Variants in MTBP observed in about 807,000 individuals in gnomAD.
MTBP encodes the protein MDM2 binding protein, also known as mdm2-binding protein.
In MTBP, 101 loss-of-function variants were observed where a neutral mutation model predicts 117.0. The observed-to-expected ratio is 0.86, with a 90% CI of 0.73 to 1.02. The LOEUF (loss-of-function observed/expected upper bound fraction) is 1.02. Ranked by LOEUF, MTBP falls within the 50% of genes least tolerant of loss-of-function variation. The pLI, the probability that MTBP is intolerant of heterozygous loss-of-function variation, is 0.00. For synonymous variants in MTBP, 350 were observed against 351.5 expected (o/e 1.00, Z 0.05); for missense variants, 970 against 1,030.9 (o/e 0.94, Z 0.81).
At chr8:120,496,310 A>C (rs563029487) in intron 13 of MTBP, among the ~76,000 whole-genome samples, 2 of 152,326 alleles carry the variant, frequency 1.3e-5, no homozygotes, top group East Asian at 3.9e-4. Flanking sequence ...AAATCTTTGC[A>C]CAGGGAAATA....
intron 11 of MTBP, among the ~76,000 whole-genome samples, chr8:120,482,326 ACTT>A (rs1397704092): frequency 2.6e-5 from 4 of 152,220 alleles, no homozygotes; most frequent in Non-Finnish European, 1.5e-5. Context: ...GAGTACTACT[ACTT>A]CCTTATTGTA....
At position 120,506,562 on chromosome 8, in the gene MTBP, T is replaced by A. The variant is rs1467030396; in HGVS notation, c.1728-144T>A. 5.6e-6 allele frequency: 3 copies of A among 534,472 alleles called. No individual in the cohort carries two copies. The African/African-American group carries it at 5.8e-5, about 10-fold the overall frequency. The allele number at this position is 534,472 out of a possible 1,614,324, so 33.1% of individuals were successfully genotyped here. On this transcript the variant is annotated intron_variant, in intron 15 of 21. Coordinates refer to ENST00000305949, the MANE Select transcript of MTBP (RefSeq NM_022045.5). ...TTTACTTTATTGTCTGTCCTAAATG[T>A]TTAATTCTCCCATGTTGCTGGTGTG...
chr8:120,469,068 T>G (rs772095173), intron 10 of MTBP, among the ~76,000 whole-genome samples: 52 of 152,224 alleles, frequency 3.4e-4, no homozygotes, highest in Non-Finnish European at 7.1e-4. Context: ...GTTTTTGAGA[T>G]AGAGTCTCAC....
intron 17 of MTBP, among the ~76,000 whole-genome samples, chr8:120,512,283 C>T (rs1044693030): frequency 6.6e-6 from 1 of 152,026 alleles, no homozygotes; most frequent in African/African-American, 2.4e-5. Context: ...CTTCTTCAGC[C>T]CTATAAACAC....
At position 120,445,458 on chromosome 8, in the gene MTBP, G is replaced by C; in HGVS notation, c.-13G>C. 1 of 1,607,566 alleles carries C rather than the reference G, an allele frequency of 6.2e-7. No homozygotes were observed. The highest frequency in any genetic ancestry group is 1.1e-5 in the South Asian group (1 of 90,878). ...AAGCCGAGACCTAAAGTTGGGGGGT[G>C]ATCTCTGAGGAGATGGATCGGTACC... is the stretch of plus-strand genomic sequence containing the variant. On this transcript the variant is annotated 5_prime_UTR_variant, in exon 1 of 22. It removes the in-frame stop codon of an upstream open reading frame in the 5' UTR. Coordinates refer to ENST00000305949, the MANE Select transcript of MTBP (RefSeq NM_022045.5).
At position 120,506,859 on chromosome 8, in the gene MTBP, G is replaced by T. The variant is rs1292222816; in HGVS notation, c.1881G>T (p.Lys627Asn). 6.3e-7 allele frequency: 1 copy of T among 1,596,758 alleles called. No individual in the cohort carries two copies. The highest frequency in any genetic ancestry group is 8.5e-7 in the Non-Finnish European group (1 of 1,174,980). ...ATCTTCAACCTTTACCGATTCAAAA[G>T]GGGTAGGTTATAAACTTATAATTTC... ...IGDLQPLPIQ[K>N]GEKTFVLTPE... is the part of the protein sequence containing the mutation. The change falls in exon 16 of 22, where the codon AAG (lysine) becomes AAT (asparagine). Residue 627 changes from lysine (K) to asparagine (N), a missense_variant and splice_region_variant. Coordinates refer to ENST00000305949, the MANE Select transcript of MTBP (RefSeq NM_022045.5).
chr8:120,466,600 C>G (rs986786103), intron 10 of MTBP, among the ~76,000 whole-genome samples: 1 of 150,876 alleles, frequency 6.6e-6, no homozygotes, highest in Non-Finnish European at 1.5e-5. Context: ...CAGCTGGGCG[C>G]GGTGGCTCAC....
At chr8:120,454,943 G>C (rs927143694) in intron 5 of MTBP, among the ~76,000 whole-genome samples, 1 of 151,852 alleles carries the variant, frequency 6.6e-6, no homozygotes, top group South Asian at 2.1e-4. Flanking sequence ...CAGTATAATT[G>C]GTTTTCAGAG....
chr8:120,478,025 T>C (rs1813984333), intron 11 of MTBP, among the ~76,000 whole-genome samples: 1 of 152,188 alleles, frequency 6.6e-6, no homozygotes, highest in African/African-American at 2.4e-5. Context: ...AATGATAGAC[T>C]GGATAAAGAA....
Position 120,459,255 on chromosome 8 carries a change from GAGTC to G in MTBP, c.790_793del (p.Val264HisfsTer10). 6.2e-7 allele frequency: 1 copy of G among 1,610,408 alleles called. No individual in the cohort carries two copies. Among genetic ancestry groups the G allele is most frequent in the Non-Finnish European group, 8.5e-7 (1 of 1,177,986 alleles). On this transcript the variant is annotated frameshift_variant, in exon 8 of 22. Coordinates refer to ENST00000305949, the MANE Select transcript of MTBP (RefSeq NM_022045.5). LOFTEE classifies it high-confidence loss of function. ...AGTTTTCCTGAATTTTGTTTAAAGG[GAGTC>G]ACACTTAAGAATTTTAGTACTTCTA... is the stretch of plus-strand genomic sequence containing the variant.
intron 10 of MTBP, among the ~76,000 whole-genome samples, chr8:120,465,650 A>G (rs1332537871): frequency 7.1e-6 from 1 of 141,478 alleles, no homozygotes; most frequent in African/African-American, 2.5e-5. Flanking sequence ...GAAATCTTAT[A>G]GAGACTTTTT....
At chr8:120,495,687 C>T (rs1024475811) in intron 13 of MTBP, among the ~76,000 whole-genome samples, 2 of 151,852 alleles carry the variant, frequency 1.3e-5, no homozygotes, top group African/African-American at 4.8e-5. Flanking sequence ...TTTTATTTTA[C>T]AGCTCTTCTA....
intron 13 of MTBP, among the ~76,000 whole-genome samples, 162 bp from the exon 14 acceptor site, chr8:120,497,231 A>G (rs1814485376): frequency 6.6e-6 from 1 of 152,192 alleles, no homozygotes; most frequent in South Asian, 2.1e-4. Context: ...CATTATCTAC[A>G]AATAGGATTA....
chr8:120,487,316 T>C (rs1814241769), intron 11 of MTBP, among the ~76,000 whole-genome samples: 1 of 152,208 alleles, frequency 6.6e-6, no homozygotes, highest in South Asian at 2.1e-4. Flanking sequence ...TGTGTTGCTT[T>C]GGGGCTTTCT....
intron 10 of MTBP, among the ~76,000 whole-genome samples, chr8:120,469,288 C>A (rs537085521): frequency 2.0e-5 from 3 of 152,072 alleles, no homozygotes; most frequent in Non-Finnish European, 4.4e-5. Flanking sequence ...TCAGGTGATC[C>A]ACTTGCCTCG....
chr8:120,478,313 T>G (rs908490646), intron 11 of MTBP, among the ~76,000 whole-genome samples: 12 of 152,024 alleles, frequency 7.9e-5, no homozygotes, highest in Non-Finnish European at 2.9e-5. Context: ...GATGGTTTGA[T>G]GGGTGCAGCA....
Position 120,518,831 on chromosome 8 carries a change from T to C in MTBP, c.2610+14T>C. 1 of 1,557,254 alleles carries C rather than the reference T, an allele frequency of 6.4e-7. No individual in the cohort carries two copies. On this transcript the variant is annotated intron_variant, in intron 20 of 21. Coordinates refer to ENST00000305949, the MANE Select transcript of MTBP (RefSeq NM_022045.5). ...TTCTATCTAAAGGTACGGTATCTTC[T>C]CTACTAATGGCAAAATTTAGTTCAT... is the stretch of plus-strand genomic sequence containing the variant.
rs1198039046 is a variant in MTBP at position 120,455,433 on chromosome 8, A to G, written c.485-2A>G. 6 of 1,584,994 alleles carry G rather than the reference A, an allele frequency of 3.8e-6. No homozygotes were observed. Among genetic ancestry groups the G allele is most frequent in the East Asian group, 2.3e-5 (1 of 43,626 alleles). On this transcript the variant is annotated splice_acceptor_variant, in intron 5 of 21. Coordinates refer to ENST00000305949, the MANE Select transcript of MTBP (RefSeq NM_022045.5). LOFTEE classifies it high-confidence loss of function. ...TACAAAAATGCCTTTTTCTCTTTCT[A>G]GGTAGAGCAATGGTAGATATAATAC...
At chr8:120,515,812 A>G in intron 17 of MTBP, 113 bp from the exon 18 acceptor site, 1 of 1,000,792 alleles carries the variant, frequency 1.0e-6, no homozygotes, top group Non-Finnish European at 1.4e-6. Context: ...AGCAATTATT[A>G]GGAAATTAAA....
Sources: allele counts gnomAD v4.1 joint callset (sites outside exome capture counted in the v4.1 genomes callset), GRCh38; gene constraint gnomAD v4.1.1; transcripts MANE v1.5; gene names NCBI Gene and HGNC (gene_info 2026-07-23, HGNC 2026-07-21).